SRGAP2: variants seen among roughly 807,000 people sequenced by gnomAD.
The protein encoded by SRGAP2 is SLIT-ROBO Rho GTPase activating protein 2, also known as SLIT-ROBO Rho GTPase-activating protein 2.
Under a neutral mutation model 57.2 loss-of-function variants are expected in SRGAP2, and 15 were observed. That is an observed-to-expected ratio of 0.26 (90% confidence interval 0.18 to 0.40). The LOEUF is 0.40. SRGAP2 is among the 10% of genes least tolerant of loss of function. The probability of loss-of-function intolerance (pLI) is 1.00; values close to 1 mark genes in which losing one functional copy is unlikely to be tolerated. For missense variants in SRGAP2, 520 were observed against 669.6 expected (o/e 0.78, Z 2.47); for synonymous variants, 249 against 248.0 (o/e 1.00, Z -0.04).
chr1:206,442,233 T>C lies in SRGAP2; in HGVS notation c.1874+2152T>C, dbSNP rs545429473. Among the ~76,000 whole-genome samples the C allele has an allele frequency of 3.3e-5, 5 of 152,334 alleles. No homozygotes were observed. The East Asian group carries it at 5.8e-4, about 18-fold the overall frequency. On this transcript the variant is annotated intron_variant, in intron 17 of 22. Coordinates refer to ENST00000573034, the MANE Select transcript of SRGAP2 (RefSeq NM_015326.5). ...CTTGTTCCCCATCTTGTCTCTTCCATGCGGTTGTGTCTGCTCTATTCATTG... is the reference window on the plus strand; with the variant it reads ...CTTGTTCCCCATCTTGTCTCTTCCACGCGGTTGTGTCTGCTCTATTCATTG...
intron 7 of SRGAP2, 83 bp from the exon 8 acceptor site, chr1:206,401,338 G>A (rs1389779339): frequency 5.1e-5 from 36 of 708,616 alleles, no homozygotes; most frequent in Non-Finnish European, 8.4e-5. Context: ...GATGTGGTCA[G>A]ATCTGCCCTC....
chr1:206,260,669 C>T (rs1255753616), intron 2 of SRGAP2, among the ~76,000 whole-genome samples: 5 of 152,164 alleles, frequency 3.3e-5, no homozygotes, highest in African/African-American at 7.2e-5. Context: ...CTTTCTCATT[C>T]GTATATCAGA....
intron 3 of SRGAP2, among the ~76,000 whole-genome samples, chr1:206,314,416 A>C (rs1672917106): frequency 6.6e-6 from 1 of 152,164 alleles, no homozygotes; most frequent in Non-Finnish European, 1.5e-5. Flanking sequence ...TTACAGGCAT[A>C]AGCCTCTGTG....
intron 13 of SRGAP2, among the ~76,000 whole-genome samples, chr1:206,424,045 G>A (rs931233835): frequency 9.4e-5 from 14 of 148,662 alleles, no homozygotes; most frequent in Non-Finnish European, 1.5e-4. Context: ...CACCTGCCTC[G>A]GCCTCCCAAA....
intron 18 of SRGAP2, among the ~76,000 whole-genome samples, chr1:206,447,485 G>T (rs782044330): frequency 6.6e-6 from 1 of 152,196 alleles, no homozygotes; most frequent in Non-Finnish European, 1.5e-5. Flanking sequence ...CTGCTGTACT[G>T]CAGATTTCAG....
intron 14 of SRGAP2, among the ~76,000 whole-genome samples, chr1:206,436,176 G>A (rs550326175): frequency 6.6e-6 from 1 of 152,104 alleles, no homozygotes; most frequent in Non-Finnish European, 1.5e-5. Flanking sequence ...GTCCAGGGAA[G>A]CCAAAAGATT....
chr1:206,276,178 T>A (rs1670400843), intron 2 of SRGAP2, among the ~76,000 whole-genome samples: 1 of 106,186 alleles, frequency 9.4e-6, no homozygotes, highest in Non-Finnish European at 1.9e-5. Flanking sequence ...CTCATAATGA[T>A]TTGTGTGTAT....
intron 4 of SRGAP2, among the ~76,000 whole-genome samples, chr1:206,352,056 A>G (rs1428043195): frequency 7.5e-6 from 1 of 133,876 alleles, no homozygotes; most frequent in Non-Finnish European, 1.6e-5. Flanking sequence ...GAATATGGGA[A>G]ATGGAATATG....
intron 4 of SRGAP2, among the ~76,000 whole-genome samples, chr1:206,382,048 TG>T (rs1370352949): frequency 2.9e-5 from 1 of 33,938 alleles, no homozygotes; most frequent in Admixed American, 3.4e-4. Flanking sequence ...AATAGAAAAA[TG>T]GGCAGAGAAC....
chr1:206,419,671 A>G (rs1553363614), intron 12 of SRGAP2, among the ~76,000 whole-genome samples: 1 of 152,196 alleles, frequency 6.6e-6, no homozygotes, highest in Non-Finnish European at 1.5e-5. Context: ...GAGACCCCCT[A>G]ACGCCACTGA....
intron 7 of SRGAP2, among the ~76,000 whole-genome samples, chr1:206,397,717 C>T (rs1176965602): frequency 6.9e-6 from 1 of 144,958 alleles, no homozygotes; most frequent in East Asian, 1.9e-4. Flanking sequence ...TTTTCCTCCC[C>T]CATACTCTTC....
At chr1:206,310,215 T>C (rs1265929226) in intron 3 of SRGAP2, among the ~76,000 whole-genome samples, 1 of 151,450 alleles carries the variant, frequency 6.6e-6, no homozygotes, top group African/African-American at 2.4e-5. Flanking sequence ...TACAGCCTGG[T>C]AGAAGAGGAG....
chr1:206,289,271 G>A (rs1273512884), intron 2 of SRGAP2, among the ~76,000 whole-genome samples: 4 of 139,020 alleles, frequency 2.9e-5, no homozygotes, highest in African/African-American at 1.2e-4. Context: ...GAGATAAGGA[G>A]GTTTTTTTTT....
intron 4 of SRGAP2, among the ~76,000 whole-genome samples, chr1:206,356,513 CAT>C (rs1391768592): frequency 6.6e-6 from 1 of 152,168 alleles, no homozygotes; most frequent in Admixed American, 6.5e-5. Flanking sequence ...ATTCTGCAGT[CAT>C]ATGTTGCTGT....
At chr1:206,376,160 C>A (rs1198094487) in intron 4 of SRGAP2, among the ~76,000 whole-genome samples, 37 of 151,806 alleles carry the variant, frequency 2.4e-4, no homozygotes, top group African/African-American at 8.5e-4. Context: ...TCCTTATTTT[C>A]ATTCTGCCAC....
At chr1:206,287,100 A>G (rs1671071261) in intron 2 of SRGAP2, among the ~76,000 whole-genome samples, 1 of 152,230 alleles carries the variant, frequency 6.6e-6, no homozygotes, top group Non-Finnish European at 1.5e-5. Context: ...TTGAAGGTGG[A>G]GCTGATAGGA....
intron 3 of SRGAP2, among the ~76,000 whole-genome samples, chr1:206,327,258 C>T (rs1553330334): frequency 6.8e-6 from 1 of 147,734 alleles, no homozygotes; most frequent in Non-Finnish European, 1.5e-5. Context: ...ACCCAGGAGG[C>T]GGAGGTTGCG....
intron 5 of SRGAP2, among the ~76,000 whole-genome samples, chr1:206,389,714 T>C (rs1222063077): frequency 6.6e-6 from 1 of 151,682 alleles, no homozygotes; most frequent in Non-Finnish European, 1.5e-5. Context: ...ACCTTTTTTT[T>C]CCTATTATTT....
chr1:206,381,147 T>C (rs1245024947), intron 4 of SRGAP2, among the ~76,000 whole-genome samples: 12 of 152,204 alleles, frequency 7.9e-5, no homozygotes, highest in Non-Finnish European at 1.6e-4. Context: ...AACTAATCAG[T>C]ACATGAAAGG....
Sources: allele counts gnomAD v4.1 joint callset (sites outside exome capture counted in the v4.1 genomes callset), GRCh38; gene constraint gnomAD v4.1.1; transcripts MANE v1.5; gene names NCBI Gene and HGNC (gene_info 2026-07-23, HGNC 2026-07-21).